The following POLD1 variants were observed in gnomAD, a reference collection of about 807,000 sequenced individuals.
The protein encoded by POLD1 is DNA polymerase delta catalytic subunit.
Under a neutral mutation model 129.7 loss-of-function variants are expected in POLD1, and 79 were observed. The observed-to-expected ratio is 0.61, with a 90% CI of 0.51 to 0.73. The LOEUF (loss-of-function observed/expected upper bound fraction) is 0.73. Among genes scored for constraint, POLD1 ranks in the 30% least tolerant of loss-of-function variants. The pLI, the probability that POLD1 is intolerant of heterozygous loss-of-function variation, is 0.00. For synonymous variants in POLD1, 714 were observed against 683.3 expected (o/e 1.04, Z -0.70); for missense variants, 1,338 against 1,595.8 (o/e 0.84, Z 2.75).
rs768471202 is a variant in POLD1 at position 50,413,537 on chromosome 19, C to T, written c.2250+16C>T. The stretch of plus-strand genomic sequence containing the variant: ...CAGTGCCAAGGTCGGGGGCTGCCCA[C>T]CGCTGCCCTGAGATGGGCCCAGGGC... On this transcript the variant is annotated intron_variant, in intron 18 of 26. Coordinates refer to ENST00000440232, the MANE Select transcript of POLD1 (RefSeq NM_002691.4). The T allele has an allele frequency of 1.9e-5, 31 of 1,592,306 alleles. No homozygotes were observed. In the South Asian group the frequency reaches 3.3e-4, roughly 17 times the overall value.
At chr19:50,416,173 G>T in intron 22 of POLD1, 1 of 585,482 alleles carries the variant, frequency 1.7e-6, no homozygotes, top group Non-Finnish European at 3.0e-6. Flanking sequence ...CCTCATCCTT[G>T]CTTCCCCTTG....
intron 18 of POLD1, 107 bp from the exon 19 acceptor site, chr19:50,413,635 G>C: frequency 1.3e-6 from 2 of 1,537,336 alleles, no homozygotes; most frequent in African/African-American, 1.4e-5. Flanking sequence ...CCACTCTCCT[G>C]TTGCATCCTT....
rs1209864056 is a variant in POLD1, at chr19:50,409,387, T to C, written c.2007-132T>C. 5.8e-6 allele frequency: 8 copies of C among 1,377,158 alleles called. No individual in the cohort carries two copies. Among genetic ancestry groups the C allele is most frequent in the Non-Finnish European group, 8.1e-6 (8 of 988,090 alleles). 85.3% of individuals were successfully genotyped at this position (1,377,158 alleles called of 1,614,324 possible). On this transcript the variant is annotated intron_variant, in intron 16 of 26. Transcript: ENST00000440232. This position sits in a 1 kb window ranked among gnomAD's most constrained non-coding sequence, Gnocchi z 5.8. ...AGGCATCCCCTCCTGGCAGCTTCCTTTTGCCCCCTTGGCCAGAAGCTTCTG... is the reference window on the plus strand; with the variant it reads ...AGGCATCCCCTCCTGGCAGCTTCCTCTTGCCCCCTTGGCCAGAAGCTTCTG...
At chr19:50,405,925 T>G (rs2038860312) in intron 10 of POLD1, among the ~76,000 whole-genome samples, 1 of 152,072 alleles carries the variant, frequency 6.6e-6, no homozygotes, top group Non-Finnish European at 1.5e-5. Context: ...GACACTGGGC[T>G]CCATCCTTGG....
chr19:50,416,578 C>T (rs1486158022), intron 23 of POLD1, 32 bp from the exon 24 acceptor site: 2 of 1,546,584 alleles, frequency 1.3e-6, no homozygotes, highest in South Asian at 1.2e-5. Context: ...CAGAGGAGAT[C>T]ACCGGCCCAC....
rs769650989 is a variant in POLD1 at position 50,413,775 on chromosome 19, C to T, written c.2284C>T (p.Arg762Ter). 7 of 1,610,856 alleles carry T rather than the reference C, an allele frequency of 4.3e-6. No individual in the cohort carries two copies. Among genetic ancestry groups the T allele is most frequent in the Non-Finnish European group, 5.9e-6 (7 of 1,179,250 alleles). Residue 762 changes from arginine to a stop codon, truncating the protein, a stop_gained, in exon 19 of 27, where the codon CGA becomes TGA. Coordinates refer to ENST00000440232, the MANE Select transcript of POLD1 (RefSeq NM_002691.4). LOFTEE classifies it high-confidence loss of function. Reference sequence around the variant, plus strand: ...TGGTGACACTGACTCCGTCATGTGCCGATTCGGCGTGTCCTCGGTGGCTGA... The same window carrying T: ...TGGTGACACTGACTCCGTCATGTGCTGATTCGGCGTGTCCTCGGTGGCTGA... Reference protein sequence around the residue: ...VYGDTDSVMCRFGVSSVAEAM... With the variant: ...VYGDTDSVMC
chr19:50,390,399 G>A (rs1463172303), intron 1 of POLD1, among the ~76,000 whole-genome samples: 1 of 152,042 alleles, frequency 6.6e-6, no homozygotes, highest in African/African-American at 2.4e-5. Context: ...TACCTGGAAA[G>A]CAGACCATCT....
At chr19:50,396,098 T>G (rs1452276745) in intron 1 of POLD1, among the ~76,000 whole-genome samples, 1 of 150,686 alleles carries the variant, frequency 6.6e-6, no homozygotes, top group Non-Finnish European at 1.5e-5. Context: ...TTTTTGTTTT[T>G]TTTTTTGAGA....
At position 50,400,211 on chromosome 19, in the gene POLD1, A is replaced by ATTTTTT. The variant is rs549820323; in HGVS notation, c.316+748_316+753dup. On this transcript the variant is annotated intron_variant, in intron 3 of 26. Transcript: ENST00000440232. The stretch of plus-strand genomic sequence containing the variant: ...CAGGCTGGAGTGCACCTGGCCAATA[A>ATTTTTT]TTTTTTTTTTTTTTTTTTTTTTTTT... Among the ~76,000 whole-genome samples, 28 of 67,812 alleles carry ATTTTTT rather than the reference A, an allele frequency of 4.1e-4. 2 individuals carry two copies. The highest frequency in any genetic ancestry group is 1.8e-3 in the African/African-American group (26 of 14,644). The allele number at this position is 67,812 out of a possible 152,430, so 44.5% of individuals were successfully genotyped here. A position where few individuals can be genotyped will look rare whatever the true frequency, so the allele number is the denominator to read the frequency against.
Position 50,407,420 on chromosome 19 carries a change from G to A in POLD1, c.1775+5G>A, listed in dbSNP as rs1313378509. On this transcript the variant is annotated splice_donor_5th_base_variant and intron_variant, in intron 14 of 26. Coordinates refer to ENST00000440232, the MANE Select transcript of POLD1 (RefSeq NM_002691.4). Reference sequence around the variant, plus strand: ...TGTCATCGAGCCCCTCAAAGGGTGAGGCCCCAGGCTGGGTGCAGTTTTTAC... The same window carrying A: ...TGTCATCGAGCCCCTCAAAGGGTGAAGCCCCAGGCTGGGTGCAGTTTTTAC... 3 of 1,588,206 alleles carry A rather than the reference G, an allele frequency of 1.9e-6. No individual in the cohort carries two copies. The highest frequency in any genetic ancestry group is 1.3e-5 in the African/African-American group (1 of 74,192).
At chr19:50,413,297 G>C (rs1017664809) in intron 17 of POLD1, 129 bp from the exon 18 acceptor site, 1 of 708,022 alleles carries the variant, frequency 1.4e-6, no homozygotes, top group Non-Finnish European at 2.4e-6. Context: ...AGGCCCAGGA[G>C]GGGCAGAGTG....
rs2038895191 is a variant in POLD1, at chr19:50,406,601, C to A, written c.1494+84C>A. On this transcript the variant is annotated intron_variant, in intron 12 of 26. Transcript: ENST00000440232. This position sits in a 1 kb window ranked among gnomAD's most constrained non-coding sequence, Gnocchi z 5.5. ...CGGCCTCTGACCTCAACTTCACGCC[C>A]CCACGTCTGACCTCACTCTTTGACC... is the stretch of plus-strand genomic sequence containing the variant. 1.0e-6 allele frequency: 1 copy of A among 1,004,492 alleles called. No individual in the cohort carries two copies. Among genetic ancestry groups the A allele is most frequent in the Non-Finnish European group, 1.5e-6 (1 of 656,410 alleles). 62.2% of individuals were successfully genotyped at this position (1,004,492 alleles called of 1,614,324 possible).
chr19:50,409,727 A>G lies in POLD1; in HGVS notation c.2154+61A>G. ...AGGTGGGCCCCCTGTGTAGGAGACC[A>G]GGGCTCCATGTGGGGGACCTGTATC... On this transcript the variant is annotated intron_variant, in intron 17 of 26. Coordinates refer to ENST00000440232, the MANE Select transcript of POLD1 (RefSeq NM_002691.4). The surrounding 1 kb of genome is among the most constrained non-coding windows in gnomAD (Gnocchi z 5.8). The G allele has an allele frequency of 6.6e-7, 1 of 1,515,148 alleles. No individual in the cohort carries two copies. The highest frequency in any genetic ancestry group is 2.3e-5 in the East Asian group (1 of 44,006). The allele number at this position is 1,515,148 out of a possible 1,614,324, so 93.9% of individuals were successfully genotyped here. A position where few individuals can be genotyped will look rare whatever the true frequency, so the allele number is the denominator to read the frequency against.
chr19:50,402,205 G>A lies in POLD1; in HGVS notation c.590G>A (p.Ser197Asn), dbSNP rs780144670. ...TGGTCCCAGCTTCTTCCATCCACAG[G>A]CATGTTTGGGTACCACGGGCACGGC... ...VLAVELCSRESMFGYHGHGPS... is the reference protein window; with the variant it reads ...VLAVELCSRENMFGYHGHGPS... Residue 197 changes from serine (S) to asparagine (N), a missense_variant and splice_region_variant, in exon 6 of 27, where the codon AGC (serine) becomes AAC (asparagine). Ser to Asn is a conservative substitution (Grantham distance 46). This residue lies in a region of POLD1 where 332 missense variants were observed against 315.7 expected (regional missense o/e 1.05). Coordinates refer to ENST00000440232, the MANE Select transcript of POLD1 (RefSeq NM_002691.4). The A allele has an allele frequency of 5.1e-6, 8 of 1,583,858 alleles. No homozygotes were observed. In the South Asian group the frequency reaches 9.3e-5, roughly 19 times the overall value.
rs765437818 is a variant in POLD1, at chr19:50,415,463, G to A, written c.2590G>A (p.Ala864Thr). 4 of 1,612,830 alleles carry A rather than the reference G, an allele frequency of 2.5e-6. No homozygotes were observed. Among genetic ancestry groups the A allele is most frequent in the African/African-American group, 1.3e-5 (1 of 74,918 alleles). Residue 864 changes from alanine to threonine, a missense_variant, in exon 21 of 27, where the codon GCA (alanine) becomes ACA (threonine). This residue lies in a region of POLD1 where 720 missense variants were observed against 1,002.6 expected (regional missense o/e 0.72). Transcript: ENST00000440232. ...AGACCCTGAGGGCGCGGTGGCTCACGCACAGGACGTCATCTCGGACCTGCT... is the reference window on the plus strand; with the variant it reads ...AGACCCTGAGGGCGCGGTGGCTCACACACAGGACGTCATCTCGGACCTGCT... ...DRDPEGAVAH[A>T]QDVISDLLCN... is the part of the protein sequence containing the mutation.
chr19:50,404,130 G>A (rs1051159960), intron 10 of POLD1, among the ~76,000 whole-genome samples: 4 of 152,160 alleles, frequency 2.6e-5, no homozygotes, highest in African/African-American at 7.2e-5. Context: ...AAGTGTCAGC[G>A]GGCCTGCTTC....
In POLD1 at chr19:50,416,044, C is replaced by T. The variant is rs2039276531; in HGVS notation, c.2820+218C>T. On this transcript the variant is annotated intron_variant, in intron 22 of 26. Coordinates refer to ENST00000440232, the MANE Select transcript of POLD1 (RefSeq NM_002691.4). ...TTCCCTATGGAAGGGGCCCCAGTCC[C>T]TCCCCTGTGCATACAGCTCCCCAGC... 5 of 579,966 alleles carry T rather than the reference C, an allele frequency of 8.6e-6. No individual in the cohort carries two copies. In the South Asian group the frequency reaches 8.8e-5, roughly 10 times the overall value. The allele number at this position is 579,966 out of a possible 1,614,324, so 35.9% of individuals were successfully genotyped here. A position where few individuals can be genotyped will look rare whatever the true frequency, so the allele number is the denominator to read the frequency against.
rs2122326348 is a variant in POLD1 at position 50,406,427 on chromosome 19, G to A, written c.1404G>A (p.Lys468=). 1 of 1,601,192 alleles carries A rather than the reference G, an allele frequency of 6.2e-7. No homozygotes were observed. Among genetic ancestry groups the A allele is most frequent in the East Asian group, 2.3e-5 (1 of 44,280 alleles). Reference sequence around the variant, plus strand: ...CCTAGGTGCTGCTGCGGGAGTACAAGCTCCGCTCCTACACGCTCAATGCCG... The same window carrying A: ...CCTAGGTGCTGCTGCGGGAGTACAAACTCCGCTCCTACACGCTCAATGCCG... ...DMLQVLLREY[K]LRSYTLNAVS... is the part of the protein sequence containing the mutation. The change falls in exon 12 of 27, where the codon AAG becomes AAA. Residue 468 remains lysine, a synonymous_variant. Coordinates refer to ENST00000440232, the MANE Select transcript of POLD1 (RefSeq NM_002691.4). The surrounding 1 kb of genome is among the most constrained non-coding windows in gnomAD (Gnocchi z 5.5).
rs1470330813 is a variant in POLD1, at chr19:50,406,908, A to T, written c.1495-75A>T. The T allele has an allele frequency of 2.5e-6, 3 of 1,214,436 alleles. No individual in the cohort carries two copies. The South Asian group carries it at 4.3e-5, about 18-fold the overall frequency. 75.2% of individuals were successfully genotyped at this position (1,214,436 alleles called of 1,614,324 possible). A position where few individuals can be genotyped will look rare whatever the true frequency, so the allele number is the denominator to read the frequency against. On this transcript the variant is annotated intron_variant, in intron 12 of 26. Coordinates refer to ENST00000440232, the MANE Select transcript of POLD1 (RefSeq NM_002691.4). This position sits in a 1 kb window ranked among gnomAD's most constrained non-coding sequence, Gnocchi z 5.5. ...GCCCTCCCCAGGCTACCTCACCCTG[A>T]CCCCCACTTCCTTCTCCTGCTCCAC...
Sources: allele counts gnomAD v4.1 joint callset (sites outside exome capture counted in the v4.1 genomes callset), GRCh38; gene constraint gnomAD v4.1.1; regional missense constraint gnomAD v4.1.1; non-coding constraint Gnocchi (gnomAD v3.1); transcripts MANE v1.5; gene names NCBI Gene and HGNC (gene_info 2026-07-23, HGNC 2026-07-21).